RICTOR: variants seen among roughly 807,000 people sequenced by gnomAD.
RICTOR encodes RPTOR independent companion of MTOR complex 2.
Under a neutral mutation model 214.9 loss-of-function variants are expected in RICTOR, and 49 were observed. The ratio of observed to expected loss-of-function variants is 0.23; its 90% CI spans 0.18 to 0.29. The LOEUF (loss-of-function observed/expected upper bound fraction) is 0.29. Among genes scored for constraint, RICTOR ranks in the 10% least tolerant of loss-of-function variants. The pLI is 1.00. For missense variants in RICTOR, 1,625 were observed against 2,047.0 expected, an observed-to-expected ratio of 0.79 and a Z score of 3.98; for synonymous variants, 717 against 711.3, an observed-to-expected ratio of 1.01 and a Z score of -0.13.
chr5:39,017,251 C>T (rs1755030319), intron 3 of RICTOR, among the ~76,000 whole-genome samples: 1 of 151,994 alleles, frequency 6.6e-6, no homozygotes, highest in Non-Finnish European at 1.5e-5. Flanking sequence ...AGGACACAGA[C>T]CTCTATTATA....
In RICTOR at chr5:38,957,343, G is replaced by A. The variant is rs79922642; in HGVS notation, c.2499+309C>T. Among the ~76,000 whole-genome samples, 1,054 of 152,210 alleles carry A rather than the reference G, an allele frequency of 6.9e-3. 6 individuals are homozygous for A. The highest frequency in any genetic ancestry group is 9.7e-3 in the Non-Finnish European group (657 of 67,990). ...AAGTTGTAGGCCATATTAAGGGACC[G>A]AAGAATGAAAGAAATGATAAACAGG... On this transcript the variant is annotated intron_variant, in intron 25 of 37. Coordinates refer to ENST00000357387, the MANE Select transcript of RICTOR (RefSeq NM_152756.5).
At chr5:39,028,506 G>A (rs891354541) in intron 2 of RICTOR, among the ~76,000 whole-genome samples, 1 of 152,100 alleles carries the variant, frequency 6.6e-6, no homozygotes, top group African/African-American at 2.4e-5. Flanking sequence ...ACTGTTGGAG[G>A]AGCATGAAAT....
chr5:38,952,883 T>C lies in RICTOR; in HGVS notation c.2897+102A>G, dbSNP rs1052478346. The C allele has an allele frequency of 7.7e-6, 5 of 653,466 alleles. No homozygotes were observed. The African/African-American group carries it at 9.2e-5, about 12-fold the overall frequency. 40.5% of individuals were successfully genotyped at this position (653,466 alleles called of 1,614,324 possible). ...TGTATCATTAGAACTTTCAGTGGAT[T>C]AACAGTTATGCATTGCACTTAATCA... is the stretch of plus-strand genomic sequence containing the variant. On this transcript the variant is annotated intron_variant, in intron 29 of 37. Coordinates refer to ENST00000357387, the MANE Select transcript of RICTOR (RefSeq NM_152756.5).
chr5:38,983,217 C>A (rs74618464), intron 7 of RICTOR, among the ~76,000 whole-genome samples: 3,839 of 152,272 alleles, frequency 0.025, 71 homozygotes, highest in South Asian at 0.082. Flanking sequence ...CAAACACACA[C>A]ACAAGTCATA....
At chr5:39,033,586 A>T (rs888940263) in intron 2 of RICTOR, among the ~76,000 whole-genome samples, 2 of 152,118 alleles carry the variant, frequency 1.3e-5, no homozygotes, top group African/African-American at 2.4e-5. Flanking sequence ...TTTTATAATA[A>T]TGATGGCAGA....
At chr5:39,035,283 A>G (rs563389364) in intron 2 of RICTOR, among the ~76,000 whole-genome samples, 56 of 152,332 alleles carry the variant, frequency 3.7e-4, no homozygotes, top group African/African-American at 1.3e-3. Context: ...AAGGAAAACT[A>G]ACAAACAGAA....
intron 9 of RICTOR, among the ~76,000 whole-genome samples, chr5:38,976,581 G>GTT (rs1751248930): frequency 6.6e-6 from 1 of 152,170 alleles, no homozygotes; most frequent in Admixed American, 6.5e-5. Flanking sequence ...AGACACCTGT[G>GTT]TGATTAAGCT....
rs767688258 is a variant in RICTOR at position 38,960,442 on chromosome 5, C to T, written c.1807G>A (p.Val603Ile). ...LDFAKAKQLT[V>I]VGCQFTEFLL... Reference sequence around the variant, plus strand: ...AATTCTGTAAACTGGCAACCTACAACCGTGAGCTGTTTGGCCTTGGCAAAA... The same window carrying T: ...AATTCTGTAAACTGGCAACCTACAATCGTGAGCTGTTTGGCCTTGGCAAAA... Residue 603 changes from valine to isoleucine, a missense_variant, in exon 20 of 38, where the codon GTT (valine) becomes ATT (isoleucine). Physicochemically the swap from Val to Ile is conservative, Grantham distance 29. Coordinates refer to ENST00000357387, the MANE Select transcript of RICTOR (RefSeq NM_152756.5). The T allele has an allele frequency of 2.5e-6, 4 of 1,613,932 alleles. No individual in the cohort carries two copies.
chr5:38,949,932 G>C lies in RICTOR; in HGVS notation c.3916C>G (p.Pro1306Ala). The part of the protein sequence containing the change: ...LPRRAQSLKA[P>A]SIATIKSLAD... Reference sequence around the variant, plus strand: ...AGACTTTTAATTGTAGCAATAGAGGGTGCTTTAAGGGACTGTGCTCTTCTA... The same window carrying C: ...AGACTTTTAATTGTAGCAATAGAGGCTGCTTTAAGGGACTGTGCTCTTCTA... The change falls in exon 31 of 38, where the codon CCC becomes GCC. Residue 1306 changes from proline (P) to alanine (A), a missense_variant. Transcript: ENST00000357387. 6.2e-7 allele frequency: 1 copy of C among 1,613,484 alleles called. No individual in the cohort carries two copies. The highest frequency in any genetic ancestry group is 8.5e-7 in the Non-Finnish European group (1 of 1,179,622).
At position 39,021,090 on chromosome 5, in the gene RICTOR, C is replaced by T. The variant is rs1382366443; in HGVS notation, c.144G>A (p.Leu48=). The T allele has an allele frequency of 1.9e-6, 3 of 1,603,506 alleles. No homozygotes were observed. The highest frequency in any genetic ancestry group is 2.6e-6 in the Non-Finnish European group (3 of 1,170,460). ...LREILQNVAR[L]QGVSNMRKLG... is the part of the protein sequence containing the mutation. Reference sequence around the variant, plus strand: ...GCTTTCTCATATTTGATACTCCCTGCAATCTGGCCACATTTTGGAGAATCT... The same window carrying T: ...GCTTTCTCATATTTGATACTCCCTGTAATCTGGCCACATTTTGGAGAATCT... The change falls in exon 3 of 38, where the codon TTG becomes TTA. Residue 48 remains leucine, a synonymous_variant. Coordinates refer to ENST00000357387, the MANE Select transcript of RICTOR (RefSeq NM_152756.5).
intron 5 of RICTOR, 62 bp downstream of exon 5, chr5:39,002,473 C>T (rs2150105345): frequency 9.3e-7 from 1 of 1,077,212 alleles, no homozygotes; most frequent in Admixed American, 2.1e-5. Flanking sequence ...CACTTTATGG[C>T]AGGCATGCTA....
intron 3 of RICTOR, among the ~76,000 whole-genome samples, chr5:39,009,554 A>T (rs1754331208): frequency 6.6e-6 from 1 of 152,106 alleles, no homozygotes; most frequent in Non-Finnish European, 1.5e-5. Context: ...TTTGTTATTA[A>T]TTAGTGCCTA....
rs1460198401 is a variant in RICTOR, at chr5:39,074,360, G to A, written c.18C>T (p.Arg6=). MAAIG[R]GRSLKNLRVR... is the part of the protein sequence containing the mutation. ...CTCGGAGGTTCTTCAGAGAGCGGCC[G>A]CGGCCGATCGCCGCCATATTGACGG... Residue 6 remains arginine, a synonymous_variant, in exon 1 of 38, where the codon CGC becomes CGT. Coordinates refer to ENST00000357387, the MANE Select transcript of RICTOR (RefSeq NM_152756.5). 7.8e-6 allele frequency: 12 copies of A among 1,538,098 alleles called. No individual in the cohort carries two copies. Among genetic ancestry groups the A allele is most frequent in the African/African-American group, 1.4e-5 (1 of 71,546 alleles).
At chr5:39,041,622 A>C (rs981724863) in intron 2 of RICTOR, among the ~76,000 whole-genome samples, 1 of 152,176 alleles carries the variant, frequency 6.6e-6, no homozygotes, top group African/African-American at 2.4e-5. Flanking sequence ...ATCAAGGATG[A>C]AGTCTAGATT....
intron 9 of RICTOR, among the ~76,000 whole-genome samples, chr5:38,977,148 G>T (rs184643342): frequency 1.3e-5 from 2 of 152,276 alleles, no homozygotes; most frequent in East Asian, 3.9e-4. Context: ...GAGGCCTCTA[G>T]AAGGTGAAAG....
At chr5:38,994,256 A>C (rs974325045) in intron 6 of RICTOR, among the ~76,000 whole-genome samples, 2 of 151,716 alleles carry the variant, frequency 1.3e-5, no homozygotes, top group Admixed American at 1.3e-4. Context: ...TATGAAATGT[A>C]AATAAATTCT....
intron 2 of RICTOR, among the ~76,000 whole-genome samples, chr5:39,027,332 C>A (rs940904428): frequency 8.6e-5 from 13 of 151,914 alleles, no homozygotes; most frequent in Admixed American, 3.3e-4. Flanking sequence ...ATTTTTATAT[C>A]TTGGACTATA....
At chr5:38,990,556 C>A (rs574043291) in intron 7 of RICTOR, among the ~76,000 whole-genome samples, 1 of 132,398 alleles carries the variant, frequency 7.6e-6, no homozygotes, top group African/African-American at 2.8e-5. Context: ...ACGATATACA[C>A]GATATATACA....
At chr5:38,947,119 A>G in intron 32 of RICTOR, 145 bp downstream of exon 32, 2 of 607,138 alleles carry the variant, frequency 3.3e-6, no homozygotes, top group Non-Finnish European at 2.9e-6. Context: ...TTTTAATCTT[A>G]AAGTTTCTTT....
Sources: gnomAD v4.1 joint callset for allele counts (sites outside exome capture counted in the v4.1 genomes callset) on GRCh38, gnomAD v4.1.1 for gene constraint, MANE v1.5 for transcripts, NCBI Gene and HGNC (gene_info 2026-07-23, HGNC 2026-07-21) for gene names.